The following HSPA4L variants were observed in gnomAD, a reference collection of about 807,000 sequenced individuals.
HSPA4L encodes heat shock protein family A (Hsp70) member 4 like.
A neutral mutation model predicts 100.3 loss-of-function variants in HSPA4L; 48 were observed. That is an observed-to-expected ratio of 0.48 (90% confidence interval 0.38 to 0.61). HSPA4L has a LOEUF of 0.61. HSPA4L is among the 20% of genes least tolerant of loss of function. The pLI is 0.00. For synonymous variants in HSPA4L, 319 were observed against 328.2 expected, an observed-to-expected ratio of 0.97 and a Z score of 0.30; for missense variants, 886 against 988.6, an observed-to-expected ratio of 0.90 and a Z score of 1.39.
At chr4:127,829,317 C>T (rs1273696222) in intron 17 of HSPA4L, among the ~76,000 whole-genome samples, 1 of 151,620 alleles carries the variant, frequency 6.6e-6, no homozygotes, top group African/African-American at 2.4e-5. Flanking sequence ...CTAGTTGGCC[C>T]TTGTAAAAGT....
intron 2 of HSPA4L, 113 bp downstream of exon 2, chr4:127,794,247 C>G (rs1732958842): frequency 1.5e-6 from 1 of 682,676 alleles, no homozygotes; most frequent in East Asian, 2.9e-5. Flanking sequence ...GAAAATAGGA[C>G]AGGTACTACA....
intron 12 of HSPA4L, 22 bp from the exon 13 acceptor site, chr4:127,818,303 C>G (rs924961438): frequency 2.6e-6 from 4 of 1,520,382 alleles, no homozygotes; most frequent in South Asian, 1.2e-5. Context: ...CGTATATTAT[C>G]AATTATGTAT....
In HSPA4L at chr4:127,830,619, G is replaced by GA; in HGVS notation, c.2167-19_2167-18insA. ...TGAAAAATCATTAACATGCAGTCAA[G>GA]CTTTTTTTTTTTAAATAGGATGAAA... On this transcript the variant is annotated intron_variant, in intron 17 of 18. Coordinates refer to ENST00000296464, the MANE Select transcript of HSPA4L (RefSeq NM_014278.4). 1 of 1,535,406 alleles carries GA rather than the reference G, an allele frequency of 6.5e-7. No homozygotes were observed. Among genetic ancestry groups the GA allele is most frequent in the Non-Finnish European group, 8.8e-7 (1 of 1,140,690 alleles).
At chr4:127,817,715 T>G (rs1299026642) in intron 12 of HSPA4L, among the ~76,000 whole-genome samples, 2 of 152,190 alleles carry the variant, frequency 1.3e-5, no homozygotes, top group Non-Finnish European at 2.9e-5. Context: ...AGTGCATATT[T>G]CTAATTATTT....
intron 17 of HSPA4L, among the ~76,000 whole-genome samples, chr4:127,828,839 T>C (rs1328910086): frequency 3.3e-5 from 5 of 152,136 alleles, no homozygotes; most frequent in Non-Finnish European, 7.4e-5. Flanking sequence ...CTCCCCAGGC[T>C]TTAGCTATCT....
At chr4:127,797,602 A>ATTTT (rs200747966) in intron 3 of HSPA4L, among the ~76,000 whole-genome samples, 1 of 136,728 alleles carries the variant, frequency 7.3e-6, no homozygotes, top group African/African-American at 2.8e-5. Flanking sequence ...TTTAAAAAAA[A>ATTTT]TTTTTTTTTT....
Position 127,801,788 on chromosome 4 carries a change from C to T in HSPA4L, c.533C>T (p.Ala178Val). 6.3e-7 allele frequency: 1 copy of T among 1,599,726 alleles called. No individual in the cohort carries two copies. The highest frequency in any genetic ancestry group is 8.5e-7 in the Non-Finnish European group (1 of 1,174,534). The change falls in exon 6 of 19, where the codon GCA becomes GTA. Residue 178 changes from alanine (A) to valine (V), a missense_variant. Ala to Val is a moderately conservative substitution (Grantham distance 64). Coordinates refer to ENST00000296464, the MANE Select transcript of HSPA4L (RefSeq NM_014278.4). ...LRLMNETTAV[A>V]LAYGIYKQDL... is the part of the protein sequence containing the mutation. ...ATAATTCTTTGTTCTTATACAGTTG[C>T]ACTGGCGTATGGAATTTATAAACAG... is the stretch of plus-strand genomic sequence containing the variant.
upstream of HSPA4L, chr4:127,781,875 T>G (rs927306110): frequency 1.8e-5 from 6 of 330,312 alleles, no homozygotes; most frequent in Middle Eastern, 5.0e-4. Flanking sequence ...GGGCAGGGGG[T>G]GAGGGGGCGG....
Position 127,822,083 on chromosome 4 carries a change from T to C in HSPA4L, c.1813-686T>C, listed in dbSNP as rs147807488. 1.8e-3 allele frequency among the ~76,000 whole-genome samples: 278 copies of C among 152,312 alleles called. 2 individuals are homozygous for C. Among genetic ancestry groups the C allele is most frequent in the African/African-American group, 6.3e-3 (261 of 41,574 alleles). ...ATTTTTAAGTGTATAATTCAATGGCTTTAATTACATTCACCATACTGTGCA... is the reference window on the plus strand; with the variant it reads ...ATTTTTAAGTGTATAATTCAATGGCCTTAATTACATTCACCATACTGTGCA... On this transcript the variant is annotated intron_variant, in intron 14 of 18. Coordinates refer to ENST00000296464, the MANE Select transcript of HSPA4L (RefSeq NM_014278.4).
At chr4:127,797,838 T>C (rs1423095829) in intron 3 of HSPA4L, among the ~76,000 whole-genome samples, 1 of 152,060 alleles carries the variant, frequency 6.6e-6, no homozygotes, top group Non-Finnish European at 1.5e-5. Context: ...CCTGACCTCA[T>C]GATCTGCTCG....
At chr4:127,814,674 T>A (rs1342253165) in intron 12 of HSPA4L, among the ~76,000 whole-genome samples, 1 of 152,108 alleles carries the variant, frequency 6.6e-6, no homozygotes, top group Non-Finnish European at 1.5e-5. Context: ...TTCAAGCAGT[T>A]CTCCTGCCTC....
chr4:127,788,141 C>T (rs1179819583), intron 1 of HSPA4L, among the ~76,000 whole-genome samples: 1 of 151,710 alleles, frequency 6.6e-6, no homozygotes, highest in Non-Finnish European at 1.5e-5. Context: ...AGCTAGTATA[C>T]CTAATCAGCT....
At chr4:127,814,027 A>G (rs1229392940) in intron 12 of HSPA4L, among the ~76,000 whole-genome samples, 3 of 152,188 alleles carry the variant, frequency 2.0e-5, no homozygotes, top group South Asian at 4.1e-4. Context: ...TGAAAATACA[A>G]CAAGAATATT....
chr4:127,818,133 A>G lies in HSPA4L; in HGVS notation c.1579-192A>G, dbSNP rs982860836. Among the ~76,000 whole-genome samples the G allele has an allele frequency of 2.6e-5, 4 of 152,206 alleles. 1 individual carries two copies. The South Asian group carries it at 8.3e-4, about 31-fold the overall frequency. ...AAACAAGATTTATCCCATAGCATCA[A>G]ATAGATCTTTTCACTTTACTTCCCT... On this transcript the variant is annotated intron_variant, in intron 12 of 18. Coordinates refer to ENST00000296464, the MANE Select transcript of HSPA4L (RefSeq NM_014278.4).
At chr4:127,822,726 A>T (rs1194420340) in intron 14 of HSPA4L, 43 bp from the exon 15 acceptor site, 2 of 1,595,258 alleles carry the variant, frequency 1.3e-6, no homozygotes, top group African/African-American at 2.7e-5. Context: ...CTATTTCCCT[A>T]ATGCATATTC....
In HSPA4L at chr4:127,837,797, TAATA is replaced by T. The variant is rs1342761156; in HGVS notation, c.*4924_*4927del. 11 of 152,006 alleles carry T rather than the reference TAATA, an allele frequency of 7.2e-5. No homozygotes were observed. The highest frequency in any genetic ancestry group is 2.7e-4 in the African/African-American group (11 of 41,402). The allele number at this position is 152,006 out of a possible 1,614,324, so 9.4% of individuals were successfully genotyped here. A position where few individuals can be genotyped will look rare whatever the true frequency, so the allele number is the denominator to read the frequency against. On this transcript the variant is annotated 3_prime_UTR_variant, in exon 19 of 19. Transcript: ENST00000296464. ...TCTCTAATTTAAAATGCATGAAAATTAATACTTTGTTTTTGTTTTTTTTTTGGAA... is the reference window on the plus strand; with the variant it reads ...TCTCTAATTTAAAATGCATGAAAATTCTTTGTTTTTGTTTTTTTTTTGGAA...
At chr4:127,830,848 T>G in intron 18 of HSPA4L, 49 bp downstream of exon 18, 2 of 1,213,722 alleles carry the variant, frequency 1.6e-6, no homozygotes, top group Non-Finnish European at 2.2e-6. Context: ...GTATTAAAAT[T>G]TTTAATGAGA....
At chr4:127,812,638 T>C in intron 12 of HSPA4L, 2 of 662,040 alleles carry the variant, frequency 3.0e-6, no homozygotes, top group Admixed American at 2.8e-5. Context: ...CTGCCCTAGA[T>C]TTTTTGTTTG....
chr4:127,789,979 A>G (rs1732827981), intron 1 of HSPA4L, among the ~76,000 whole-genome samples: 1 of 152,248 alleles, frequency 6.6e-6, no homozygotes, highest in Non-Finnish European at 1.5e-5. Context: ...GGGTGCCTTT[A>G]TAAAATGGGT....
Sources: gnomAD v4.1 joint callset for allele counts (sites outside exome capture counted in the v4.1 genomes callset) on GRCh38, gnomAD v4.1.1 for gene constraint, MANE v1.5 for transcripts, NCBI Gene and HGNC (gene_info 2026-07-23, HGNC 2026-07-21) for gene names.